Variants in FAM20A observed in about 807,000 individuals in gnomAD.
FAM20A encodes pseudokinase FAM20A.
A neutral mutation model predicts 52.0 loss-of-function variants in FAM20A; 42 were observed. That is an observed-to-expected ratio of 0.81 (90% confidence interval 0.63 to 1.04). The LOEUF is 1.04. Ranked by LOEUF, FAM20A falls within the 50% of genes least tolerant of loss-of-function variation. The pLI is 0.00. For synonymous variants in FAM20A, 304 were observed against 298.9 expected (o/e 1.02, Z -0.18); for missense variants, 742 against 712.7 (o/e 1.04, Z -0.47).
Position 68,537,598 on chromosome 17 carries a change from A to C in FAM20A, c.1505T>G (p.Leu502Arg). Residue 502 changes from leucine (L) to arginine (R), a missense_variant, in exon 11 of 11, where the codon CTC becomes CGC. Transcript: ENST00000592554. This position sits in a 1 kb window ranked among gnomAD's most constrained non-coding sequence, Gnocchi z 4.2. ...EPHLLALDRR[L>R]QTILRTVEGC... ...CTCCACTGTCCTTAGGATGGTTTGG[A>C]GCCTTCGATCCAGGGCAAGGAGGTG... 1 of 1,613,578 alleles carries C rather than the reference A, an allele frequency of 6.2e-7. No homozygotes were observed. The highest frequency in any genetic ancestry group is 8.5e-7 in the Non-Finnish European group (1 of 1,179,734).
intron 1 of FAM20A, among the ~76,000 whole-genome samples, chr17:68,560,358 AAAG>A (rs1001482973): frequency 1.3e-5 from 2 of 152,000 alleles, no homozygotes; most frequent in African/African-American, 4.8e-5. Context: ...AAAAAAAAAA[AAAG>A]AGATTTCGGA....
intron 3 of FAM20A, among the ~76,000 whole-genome samples, chr17:68,553,662 A>C (rs2086940185): frequency 6.6e-6 from 1 of 152,008 alleles, no homozygotes; most frequent in Non-Finnish European, 1.5e-5. Context: ...TCACCGTCTG[A>C]ACTTGAATCA....
chr17:68,552,569 G>T (rs767691387), intron 3 of FAM20A, among the ~76,000 whole-genome samples: 7 of 151,748 alleles, frequency 4.6e-5, no homozygotes, highest in Non-Finnish European at 1.0e-4. Context: ...TGGAGGGTCA[G>T]GACAATACCT....
intron 8 of FAM20A, 110 bp from the exon 9 acceptor site, chr17:68,540,076 G>A (rs1018064948): frequency 3.3e-6 from 3 of 910,184 alleles, no homozygotes; most frequent in Non-Finnish European, 5.4e-6. Context: ...AGAGACAGGG[G>A]TGTGAACGAA....
At chr17:68,542,448 G>C (rs796396102) in intron 6 of FAM20A, among the ~76,000 whole-genome samples, 1 of 152,132 alleles carries the variant, frequency 6.6e-6, no homozygotes, top group Non-Finnish European at 1.5e-5. Flanking sequence ...TGGTTCCGGG[G>C]AGGCCAGCAT....
intron 1 of FAM20A, among the ~76,000 whole-genome samples, chr17:68,575,678 AT>A (rs1244683185): frequency 8.5e-6 from 1 of 117,484 alleles, no homozygotes; most frequent in African/African-American, 3.3e-5. Flanking sequence ...TATATATTAT[AT>A]TTTTATATTT....
Position 68,535,759 on chromosome 17 carries a change from G to C in FAM20A, c.*1718C>G. The stretch of plus-strand genomic sequence containing the variant: ...GCTCCTGAGACCAAGCGATCTGCCT[G>C]TTTAGGCCCAAAGTGCTGGGATTAC... On this transcript the variant is annotated 3_prime_UTR_variant, in exon 11 of 11. Coordinates refer to ENST00000592554, the MANE Select transcript of FAM20A (RefSeq NM_017565.4). The C allele has an allele frequency of 8.8e-6, 4 of 452,780 alleles. No homozygotes were observed. The highest frequency in any genetic ancestry group is 6.2e-5 in the South Asian group (4 of 64,360). 28.0% of individuals were successfully genotyped at this position (452,780 alleles called of 1,614,324 possible).
At chr17:68,571,843 C>T (rs991093747) in intron 1 of FAM20A, among the ~76,000 whole-genome samples, 8 of 150,776 alleles carry the variant, frequency 5.3e-5, no homozygotes, top group African/African-American at 2.0e-4. Context: ...GAATACAAAA[C>T]CAGGTATGAG....
chr17:68,551,236 C>G, intron 4 of FAM20A: 4 of 829,996 alleles, frequency 4.8e-6, no homozygotes, highest in Non-Finnish European at 6.5e-6. Flanking sequence ...CATATTATTT[C>G]ACTCATCTCT....
Position 68,538,004 on chromosome 17 carries a change from A to G in FAM20A, c.1362-263T>C, listed in dbSNP as rs16973034. On this transcript the variant is annotated intron_variant, in intron 10 of 10. Transcript: ENST00000592554. Reference sequence around the variant, plus strand: ...TCTAATAATGGTGATGCTGGGCTATATGCATTTTCTCTGACAACGCTAAGG... The same window carrying G: ...TCTAATAATGGTGATGCTGGGCTATGTGCATTTTCTCTGACAACGCTAAGG... Among the ~76,000 whole-genome samples, 22,428 of 152,218 alleles carry G rather than the reference A, an allele frequency of 0.15. 1,715 individuals are homozygous for G. The highest frequency in any genetic ancestry group is 0.2 in the South Asian group (958 of 4,818).
intron 6 of FAM20A, among the ~76,000 whole-genome samples, 199 bp downstream of exon 6, chr17:68,542,495 C>G (rs2086347034): frequency 6.6e-6 from 1 of 152,122 alleles, no homozygotes; most frequent in Non-Finnish European, 1.5e-5. Context: ...GGTAGCATCT[C>G]AAACACAACC....
intron 10 of FAM20A, among the ~76,000 whole-genome samples, chr17:68,538,133 C>T (rs1203268506): frequency 6.6e-6 from 1 of 152,160 alleles, no homozygotes; most frequent in Non-Finnish European, 1.5e-5. Context: ...TCTCAAAATC[C>T]CCCAGTACTG....
At chr17:68,581,243 ATCTCT>A (rs1188408213) in intron 1 of FAM20A, among the ~76,000 whole-genome samples, 1 of 152,148 alleles carries the variant, frequency 6.6e-6, no homozygotes, top group East Asian at 1.9e-4. Flanking sequence ...CTGGACACAA[ATCTCT>A]TCTCAAATTG....
At chr17:68,546,600 G>T (rs894122922) in intron 4 of FAM20A, among the ~76,000 whole-genome samples, 1 of 152,058 alleles carries the variant, frequency 6.6e-6, no homozygotes, top group African/African-American at 2.4e-5. Flanking sequence ...GGAGGCCGAG[G>T]CGGGCGGATC....
chr17:68,600,879 G>A lies in FAM20A; in HGVS notation c.-213C>T. The A allele has an allele frequency of 1.9e-6, 1 of 516,480 alleles. No individual in the cohort carries two copies. Among genetic ancestry groups the A allele is most frequent in the East Asian group, 3.4e-5 (1 of 29,472 alleles). The allele number at this position is 516,480 out of a possible 1,614,324, so 32.0% of individuals were successfully genotyped here. A position where few individuals can be genotyped will look rare whatever the true frequency, so the allele number is the denominator to read the frequency against. On this transcript the variant is annotated 5_prime_UTR_variant, in exon 1 of 11. Transcript: ENST00000592554. The surrounding 1 kb of genome is among the most constrained non-coding windows in gnomAD (Gnocchi z 6.2). ...TGCACGGAGCACCGGGGCTCTCGGA[G>A]TCAGCGGGCGTCGCTTCTCCGCGCC... is the stretch of plus-strand genomic sequence containing the variant.
rs147481177 is a variant in FAM20A, at chr17:68,536,612, G to T, written c.*865C>A. The stretch of plus-strand genomic sequence containing the variant: ...GGGATGGGCCGGGGACAATCCTGGG[G>T]TCTTAGGGAAGAAGATTGTGGTTGG... On this transcript the variant is annotated 3_prime_UTR_variant, in exon 11 of 11. Transcript: ENST00000592554. The T allele has an allele frequency of 1.3e-5, 6 of 452,534 alleles. No homozygotes were observed. The highest frequency in any genetic ancestry group is 7.8e-5 in the South Asian group (5 of 64,292). 28.0% of individuals were successfully genotyped at this position (452,534 alleles called of 1,614,324 possible).
intron 1 of FAM20A, among the ~76,000 whole-genome samples, chr17:68,565,068 G>A (rs77379386): frequency 0.059 from 8,984 of 152,094 alleles, 354 homozygotes; most frequent in East Asian, 0.13. Context: ...TGGATCCCCC[G>A]CCTCCAAAGG....
chr17:68,546,733 G>A (rs2086586351), intron 4 of FAM20A, among the ~76,000 whole-genome samples: 2 of 151,790 alleles, frequency 1.3e-5, no homozygotes, highest in African/African-American at 4.8e-5. Context: ...GGGAGGCTGA[G>A]GCAGGAGAAT....
At chr17:68,598,638 A>G (rs1269001526) in intron 1 of FAM20A, among the ~76,000 whole-genome samples, 1 of 152,236 alleles carries the variant, frequency 6.6e-6, no homozygotes, top group Non-Finnish European at 1.5e-5. Context: ...TTGTTGACAC[A>G]TAATGGTGTA....
Sources: gnomAD v4.1 joint callset for allele counts (sites outside exome capture counted in the v4.1 genomes callset) on GRCh38, gnomAD v4.1.1 for gene constraint, Gnocchi (gnomAD v3.1) non-coding constraint, MANE v1.5 for transcripts, NCBI Gene and HGNC (gene_info 2026-07-23, HGNC 2026-07-21) for gene names.